UBE3A: variants seen among roughly 807,000 people sequenced by gnomAD.
The protein encoded by UBE3A is ubiquitin-protein ligase E3A.
Under a neutral mutation model 83.4 loss-of-function variants are expected in UBE3A, and 6 were observed. The observed-to-expected ratio is 0.07, with a 90% CI of 0.04 to 0.14. The LOEUF is 0.14. Ranked by LOEUF, UBE3A falls within the 10% of genes least tolerant of loss-of-function variation. The probability of loss-of-function intolerance (pLI) is 1.00; values close to 1 mark genes in which losing one functional copy is unlikely to be tolerated. For synonymous variants in UBE3A, 337 were observed against 355.4 expected (o/e 0.95, Z 0.58); for missense variants, 456 against 1,036.1 (o/e 0.44, Z 7.69).
chr15:25,392,329 T>C (rs2084587248), intron 4 of UBE3A, among the ~76,000 whole-genome samples: 1 of 152,202 alleles, frequency 6.6e-6, no homozygotes, highest in Admixed American at 6.5e-5. Context: ...ACACTATTTC[T>C]TGGTTTCCTC....
intron 1 of UBE3A, chr15:25,437,980 C>G (rs1895655107): frequency 6.6e-6 from 1 of 152,322 alleles, no homozygotes; most frequent in South Asian, 2.1e-4. Flanking sequence ...CCTGTGCGCA[C>G]AACCCTTGGG....
chr15:25,352,020 C>A (rs2076582306), intron 11 of UBE3A, among the ~76,000 whole-genome samples: 1 of 151,994 alleles, frequency 6.6e-6, no homozygotes, highest in East Asian at 1.9e-4. Context: ...ATGGCAAAAC[C>A]CTTATCTCTA....
At chr15:25,402,783 GTCTTT>G (rs917364625) in intron 4 of UBE3A, among the ~76,000 whole-genome samples, 1 of 152,156 alleles carries the variant, frequency 6.6e-6, no homozygotes, top group African/African-American at 2.4e-5. Context: ...TTTTCAATGT[GTCTTT>G]TCTTATCTGT....
intron 1 of UBE3A, chr15:25,418,490 A>C (rs1477774763): frequency 6.6e-6 from 1 of 152,156 alleles, no homozygotes; most frequent in Non-Finnish European, 1.5e-5. Flanking sequence ...TGTTGAGCAA[A>C]AAGAAACTTT....
chr15:25,408,830 G>T, intron 3 of UBE3A: 1 of 830,584 alleles, frequency 1.2e-6, no homozygotes. Context: ...ATAGTAAAAT[G>T]TTTAAAACCT....
In UBE3A at chr15:25,338,689, A is replaced by G. The variant is rs891598168; in HGVS notation, c.*448T>C. On this transcript the variant is annotated 3_prime_UTR_variant, in exon 13 of 13. Coordinates refer to ENST00000648336, the MANE Select transcript of UBE3A (RefSeq NM_130839.5). The stretch of plus-strand genomic sequence containing the variant: ...GGGACAAAAAAGTAGCACATACTTG[A>G]AGGTTACGTGGTCTACAAATGGTGG... The G allele has an allele frequency of 1.3e-5, 2 of 152,234 alleles. No homozygotes were observed. The highest frequency in any genetic ancestry group is 2.9e-5 in the Non-Finnish European group (2 of 68,082). The allele number at this position is 152,234 out of a possible 1,614,324, so 9.4% of individuals were successfully genotyped here. A position where few individuals can be genotyped will look rare whatever the true frequency, so the allele number is the denominator to read the frequency against.
chr15:25,369,933 T>C (rs1566951662), intron 6 of UBE3A, among the ~76,000 whole-genome samples: 3 of 152,180 alleles, frequency 2.0e-5, no homozygotes, highest in African/African-American at 7.2e-5. Flanking sequence ...CCCCAGATTT[T>C]TGGAATAGCT....
At chr15:25,436,313 T>C (rs903635937) in intron 1 of UBE3A, among the ~76,000 whole-genome samples, 1 of 152,232 alleles carries the variant, frequency 6.6e-6, no homozygotes, top group African/African-American at 2.4e-5. Flanking sequence ...CAGCTGCATA[T>C]GTACATAATG....
At chr15:25,349,396 T>G (rs867279370) in intron 11 of UBE3A, among the ~76,000 whole-genome samples, 2 of 152,140 alleles carry the variant, frequency 1.3e-5, no homozygotes, top group South Asian at 4.1e-4. Flanking sequence ...AAAGAAAAAA[T>G]AAATTAGACC....
chr15:25,420,221 T>C (rs1228315640), intron 1 of UBE3A, among the ~76,000 whole-genome samples: 2 of 152,086 alleles, frequency 1.3e-5, no homozygotes, highest in Admixed American at 1.3e-4. Flanking sequence ...AATATCAAAG[T>C]AGACTTTAGA....
intron 4 of UBE3A, among the ~76,000 whole-genome samples, chr15:25,396,610 C>G (rs1156684962): frequency 6.6e-6 from 1 of 152,116 alleles, no homozygotes; most frequent in African/African-American, 2.4e-5. Context: ...TCACTTATGA[C>G]AGAGCAAGAC....
intron 1 of UBE3A, among the ~76,000 whole-genome samples, chr15:25,424,087 T>G (rs1193548371): frequency 6.6e-6 from 1 of 152,198 alleles, no homozygotes; most frequent in African/African-American, 2.4e-5. Context: ...TTTTCACTAC[T>G]CTGCTCAAAG....
chr15:25,388,028 A>G (rs757756133), intron 4 of UBE3A, among the ~76,000 whole-genome samples: 1 of 152,190 alleles, frequency 6.6e-6, no homozygotes, highest in African/African-American at 2.4e-5. Context: ...GAATTCTACT[A>G]AACATTTAAG....
chr15:25,397,070 A>G (rs142547822), intron 4 of UBE3A, among the ~76,000 whole-genome samples: 365 of 152,338 alleles, frequency 2.4e-3, no homozygotes, highest in Admixed American at 6.2e-3. Flanking sequence ...AGGTTGGTAC[A>G]AAAGTAATTG....
intron 4 of UBE3A, among the ~76,000 whole-genome samples, chr15:25,403,754 A>G (rs1316065947): frequency 6.6e-6 from 1 of 152,218 alleles, no homozygotes; most frequent in Non-Finnish European, 1.5e-5. Context: ...TACATACAAT[A>G]AAACATTATT....
intron 1 of UBE3A, among the ~76,000 whole-genome samples, chr15:25,426,351 T>C (rs1891313822): frequency 6.6e-6 from 1 of 152,246 alleles, no homozygotes; most frequent in African/African-American, 2.4e-5. Context: ...GATTTATTAT[T>C]CTGAAATTTT....
rs142566235 is a variant in UBE3A, at chr15:25,341,108, C to T, written c.2355-880G>A. Among the ~76,000 whole-genome samples, 41 of 151,338 alleles carry T rather than the reference C, an allele frequency of 2.7e-4. No individual in the cohort carries two copies. In the East Asian group the frequency reaches 6.3e-3, roughly 23 times the overall value. On this transcript the variant is annotated intron_variant, in intron 11 of 12. Transcript: ENST00000648336. ...TTTTTGAGACAGAGTCTTGCTCTGT[C>T]GCTCAGGCTGGAGTGCAGTGGCGCG...
intron 5 of UBE3A, among the ~76,000 whole-genome samples, chr15:25,372,179 A>T (rs968634245): frequency 1.3e-5 from 2 of 152,206 alleles, no homozygotes; most frequent in African/African-American, 4.8e-5. Flanking sequence ...TACAGCTCTT[A>T]AAACCTCACT....
intron 1 of UBE3A, among the ~76,000 whole-genome samples, chr15:25,435,804 G>A (rs1894889662): frequency 6.6e-6 from 1 of 152,054 alleles, no homozygotes; most frequent in Admixed American, 6.6e-5. Flanking sequence ...GTAAACACTA[G>A]GAATTCCTGG....
Sources: gnomAD v4.1 joint callset for allele counts (sites outside exome capture counted in the v4.1 genomes callset) on GRCh38, gnomAD v4.1.1 for gene constraint, MANE v1.5 for transcripts, NCBI Gene and HGNC (gene_info 2026-07-23, HGNC 2026-07-21) for gene names.